Variants in ANXA4 observed in about 807,000 individuals in gnomAD.
The protein encoded by ANXA4 is 35-beta calcimedin.
A neutral mutation model predicts 49.8 loss-of-function variants in ANXA4; 39 were observed. That is an observed-to-expected ratio of 0.78 (90% confidence interval 0.61 to 1.02). The LOEUF (loss-of-function observed/expected upper bound fraction) is 1.02, where lower values mean the gene tolerates loss of function less well. Among genes scored for constraint, ANXA4 ranks in the 50% least tolerant of loss-of-function variants. The pLI is 0.00. For missense variants in ANXA4, 360 were observed against 410.1 expected (o/e 0.88, Z 1.05); for synonymous variants, 134 against 152.5 (o/e 0.88, Z 0.89).
chr2:69,662,751 C>T, intron 2 of ANXA4, among the ~76,000 whole-genome samples: 1 of 152,042 alleles, frequency 6.6e-6, no homozygotes. Context: ...GCCCCACCCA[C>T]TTACACACGC....
chr2:69,731,360 A>G (rs1427032117), intron 3 of ANXA4, among the ~76,000 whole-genome samples: 4 of 152,192 alleles, frequency 2.6e-5, no homozygotes. Flanking sequence ...AGTGGCCACA[A>G]ACTTAGCTCA....
At chr2:69,685,036 A>G (rs1677738146) in intron 2 of ANXA4, among the ~76,000 whole-genome samples, 1 of 152,200 alleles carries the variant, frequency 6.6e-6, no homozygotes, top group Non-Finnish European at 1.5e-5. Flanking sequence ...TATTTGGGGC[A>G]TCATAGAGAA....
intron 1 of ANXA4, among the ~76,000 whole-genome samples, chr2:69,753,561 C>T (rs1670936761): frequency 6.6e-6 from 1 of 152,226 alleles, no homozygotes; most frequent in Non-Finnish European, 1.5e-5. Context: ...CATGTCCTGA[C>T]AACATCCAGG....
At chr2:69,783,837 A>G (rs1559188864) in intron 2 of ANXA4, among the ~76,000 whole-genome samples, 1 of 152,188 alleles carries the variant, frequency 6.6e-6, no homozygotes, top group Non-Finnish European at 1.5e-5. Context: ...CCTGTTCTAG[A>G]ACATCCTATA....
chr2:69,742,671 G>A (rs930376068), intron 1 of ANXA4, among the ~76,000 whole-genome samples: 1 of 152,126 alleles, frequency 6.6e-6, no homozygotes, highest in East Asian at 1.9e-4. Context: ...CCGGCACATC[G>A]GAGTCTGATT....
At chr2:69,649,603 C>CTTTTTTTTTTTTTTT (rs766975640) in intron 1 of ANXA4, among the ~76,000 whole-genome samples, 6 of 70,660 alleles carry the variant, frequency 8.5e-5, no homozygotes, top group Non-Finnish European at 8.4e-5. Context: ...GATTTTCTTT[C>CTTTTTTTTTTTTTTT]TTTTTTTTTT....
intron 1 of ANXA4, among the ~76,000 whole-genome samples, chr2:69,771,631 T>C (rs1671721901): frequency 6.6e-6 from 1 of 152,230 alleles, no homozygotes; most frequent in Non-Finnish European, 1.5e-5. Context: ...TCAGAAGTTC[T>C]TGTTCCACAT....
chr2:69,792,261 G>A (rs1449158414), intron 3 of ANXA4, among the ~76,000 whole-genome samples: 2 of 152,044 alleles, frequency 1.3e-5, no homozygotes, highest in Non-Finnish European at 2.9e-5. Context: ...CCAGAAATTT[G>A]AAAAAGCAAA....
At chr2:69,735,652 G>C (rs916361975) in intron 3 of ANXA4, among the ~76,000 whole-genome samples, 3 of 152,072 alleles carry the variant, frequency 2.0e-5, no homozygotes, top group Admixed American at 6.6e-5. Context: ...ATTTCAGTGA[G>C]TATTTAGAGA....
At chr2:69,657,531 A>G (rs1676551491) in intron 2 of ANXA4, among the ~76,000 whole-genome samples, 1 of 152,220 alleles carries the variant, frequency 6.6e-6, no homozygotes, top group Admixed American at 6.5e-5. Flanking sequence ...TAGAAATTTC[A>G]CATTATTGCT....
chr2:69,697,720 ATTG>A (rs1573115205), intron 2 of ANXA4, among the ~76,000 whole-genome samples: 1 of 152,302 alleles, frequency 6.6e-6, no homozygotes, highest in East Asian at 1.9e-4. Flanking sequence ...TAATGTCAAT[ATTG>A]TTGTGTCTGA....
chr2:69,716,241 C>A (rs530839579), intron 2 of ANXA4, among the ~76,000 whole-genome samples: 4 of 152,198 alleles, frequency 2.6e-5, no homozygotes, highest in African/African-American at 9.6e-5. Flanking sequence ...TCTGTCTAGT[C>A]CTTACTTAAA....
intron 1 of ANXA4, among the ~76,000 whole-genome samples, chr2:69,760,306 G>T (rs956904323): frequency 1.3e-5 from 2 of 152,162 alleles, no homozygotes; most frequent in African/African-American, 4.8e-5. Flanking sequence ...AGTCGTTTTT[G>T]AATACACATA....
At chr2:69,653,315 A>G (rs1423543358) in intron 2 of ANXA4, 1 of 152,260 alleles carries the variant, frequency 6.6e-6, no homozygotes, top group East Asian at 1.9e-4. Flanking sequence ...AATGTGAAGT[A>G]TGCGTAAATG....
At position 69,663,293 on chromosome 2, in the gene ANXA4, C is replaced by CTTTTTTTTTTTTT. The variant is rs55970370; in HGVS notation, n.766+10033_766+10045dup. Among the ~76,000 whole-genome samples, 8 of 42,834 alleles carry CTTTTTTTTTTTTT rather than the reference C, an allele frequency of 1.9e-4. 2 individuals are homozygous for CTTTTTTTTTTTTT. The highest frequency in any genetic ancestry group is 2.8e-4 in the African/African-American group (3 of 10,872). The allele number at this position is 42,834 out of a possible 152,430, so 28.1% of individuals were successfully genotyped here. A position where few individuals can be genotyped will look rare whatever the true frequency, so the allele number is the denominator to read the frequency against. On this transcript the variant is annotated intron_variant and non_coding_transcript_variant, in intron 2 of 3. Transcript: ENST00000418066. ...ACAGGCGTGAGCCAATGCACCCGGCCTTTTTTTTTTTTTTTTTTTTTTTTT... is the reference window on the plus strand; with the variant it reads ...ACAGGCGTGAGCCAATGCACCCGGCCTTTTTTTTTTTTTTTTTTTTTTTTTTTTTTTTTTTTTT...
chr2:69,660,455 C>G (rs912033324), intron 2 of ANXA4, among the ~76,000 whole-genome samples: 9 of 152,100 alleles, frequency 5.9e-5, no homozygotes, highest in Non-Finnish European at 1.2e-4. Flanking sequence ...CCCATAAGCT[C>G]AGTTAAGAGA....
At position 69,651,822 on chromosome 2, in the gene ANXA4, G is replaced by T. The variant is rs1411815175; in HGVS notation, n.482-1176G>T. On this transcript the variant is annotated intron_variant and non_coding_transcript_variant, in intron 1 of 3. Coordinates refer to the ANXA4 transcript ENST00000418066. ...CGGCTTTTTTTTTTTTTTTTTGGGG[G>T]GGGGGGGCGGGGAGACAGAGTCTCA... Among the ~76,000 whole-genome samples the T allele has an allele frequency of 9.4e-3, 623 of 66,026 alleles. 14 individuals are homozygous for T. Among genetic ancestry groups the T allele is most frequent in the Middle Eastern group, 0.019 (4 of 210 alleles). 43.3% of individuals were successfully genotyped at this position (66,026 alleles called of 152,430 possible).
At chr2:69,699,148 T>A (rs1158946059) in intron 2 of ANXA4, among the ~76,000 whole-genome samples, 1 of 151,992 alleles carries the variant, frequency 6.6e-6, no homozygotes, top group Non-Finnish European at 1.5e-5. Context: ...TGGGGTGGGG[T>A]CTAGCGCTCA....
At chr2:69,712,180 C>CCCACCA (rs1267866431) in intron 2 of ANXA4, among the ~76,000 whole-genome samples, 14 of 151,998 alleles carry the variant, frequency 9.2e-5, no homozygotes, top group Admixed American at 6.6e-4. Context: ...CCAACCCCAC[C>CCCACCA]CCACCACCAC....
Sources: gnomAD v4.1 joint callset for allele counts (sites outside exome capture counted in the v4.1 genomes callset) on GRCh38, gnomAD v4.1.1 for gene constraint, MANE v1.5 for transcripts, NCBI Gene and HGNC (gene_info 2026-07-23, HGNC 2026-07-21) for gene names.